The following PTK2B variants were observed in gnomAD, a reference collection of about 807,000 sequenced individuals.
PTK2B encodes the protein protein tyrosine kinase 2 beta.
In PTK2B, 71 loss-of-function variants were observed where a neutral mutation model predicts 142.9. The observed-to-expected ratio is 0.50, with a 90% CI of 0.41 to 0.61. The LOEUF (loss-of-function observed/expected upper bound fraction) is 0.61. Ranked by LOEUF, PTK2B falls within the 20% of genes least tolerant of loss-of-function variation. The pLI is 0.00. For missense variants in PTK2B, 1,105 were observed against 1,320.4 expected (o/e 0.84, Z 2.53); for synonymous variants, 519 against 503.4 (o/e 1.03, Z -0.42).
chr8:27,378,872 G>T (rs1252617755), intron 1 of PTK2B, among the ~76,000 whole-genome samples: 1 of 152,150 alleles, frequency 6.6e-6, no homozygotes, highest in African/African-American at 2.4e-5. Flanking sequence ...TGAGGCTGTG[G>T]AGAAGTGGGT....
chr8:27,405,870 A>C (rs1166770474), intron 2 of PTK2B, among the ~76,000 whole-genome samples: 8 of 152,254 alleles, frequency 5.3e-5, no homozygotes, highest in Non-Finnish European at 8.8e-5. Context: ...TTGTTCTTCA[A>C]TCACTTATTT....
At chr8:27,438,347 G>T (rs972880025) in intron 18 of PTK2B, among the ~76,000 whole-genome samples, 2 of 152,130 alleles carry the variant, frequency 1.3e-5, no homozygotes, top group African/African-American at 4.8e-5. Flanking sequence ...TGGCTGTGGA[G>T]TTGGCCCCTG....
At chr8:27,351,014 T>A (rs187228254) in intron 1 of PTK2B, among the ~76,000 whole-genome samples, 11,600 of 29,102 alleles carry the variant, frequency 0.4, 4,418 homozygotes, top group Non-Finnish European at 0.56. Flanking sequence ...TATATATATA[T>A]ATATATATAT....
chr8:27,311,042 G>A (rs1226013472), upstream of PTK2B: 1 of 1,600,604 alleles, frequency 6.2e-7, no homozygotes, highest in Admixed American at 1.7e-5. Context: ...GTCGGCGGGT[G>A]ACGCGCGGTC....
At chr8:27,368,942 T>C (rs553600885) in intron 1 of PTK2B, among the ~76,000 whole-genome samples, 50 of 151,982 alleles carry the variant, frequency 3.3e-4, no homozygotes, top group Non-Finnish European at 6.2e-4. Context: ...GATCCAGGAG[T>C]GTCTCCCCTC....
intron 1 of PTK2B, among the ~76,000 whole-genome samples, chr8:27,360,690 C>A (rs1269313296): frequency 6.6e-6 from 1 of 152,168 alleles, no homozygotes; most frequent in Non-Finnish European, 1.5e-5. Context: ...CTGTGAACTA[C>A]CAAATGACAC....
At chr8:27,418,888 C>A (rs1305864664) in intron 2 of PTK2B, among the ~76,000 whole-genome samples, 1 of 152,120 alleles carries the variant, frequency 6.6e-6, no homozygotes, top group Non-Finnish European at 1.5e-5. Context: ...ATTATCCAGG[C>A]GTGGTGGTGC....
chr8:27,342,123 T>A (rs1563202999), intron 1 of PTK2B, among the ~76,000 whole-genome samples: 1 of 151,858 alleles, frequency 6.6e-6, no homozygotes, highest in African/African-American at 2.4e-5. Context: ...GCAGTGGAGG[T>A]CCCCCACAGG....
chr8:27,447,102 T>A (rs150120287), intron 24 of PTK2B, among the ~76,000 whole-genome samples: 45 of 152,382 alleles, frequency 3.0e-4, no homozygotes, highest in Non-Finnish European at 6.0e-4. Flanking sequence ...AGAAAGAAGC[T>A]ATTTTGCACA....
At chr8:27,454,707 T>C in intron 30 of PTK2B, 96 bp downstream of exon 30, 1 of 1,303,566 alleles carries the variant, frequency 7.7e-7, no homozygotes, top group Admixed American at 1.9e-5. Context: ...GGCAACCTCA[T>C]GTCTGTCCAC....
chr8:27,345,557 C>T (rs896750555), intron 1 of PTK2B, among the ~76,000 whole-genome samples: 1 of 152,162 alleles, frequency 6.6e-6, no homozygotes, highest in African/African-American at 2.4e-5. Context: ...CCTGTAAAGG[C>T]AAGCTGAGCC....
intron 1 of PTK2B, among the ~76,000 whole-genome samples, chr8:27,352,428 T>G (rs189001386): frequency 3.9e-5 from 6 of 152,316 alleles, no homozygotes; most frequent in African/African-American, 1.2e-4. Flanking sequence ...TTCTAAATGC[T>G]TGTTGGAGCA....
At chr8:27,422,856 G>A (rs889855905) in intron 5 of PTK2B, among the ~76,000 whole-genome samples, 1 of 152,190 alleles carries the variant, frequency 6.6e-6, no homozygotes, top group Non-Finnish European at 1.5e-5. Flanking sequence ...TTGGGGAGGT[G>A]ACAGATGTGT....
intron 8 of PTK2B, 67 bp downstream of exon 8, chr8:27,431,083 G>A (rs542737539): frequency 6.4e-7 from 1 of 1,568,616 alleles, no homozygotes; most frequent in Admixed American, 1.7e-5. Context: ...AGGGGGCCAG[G>A]AGGGGGCAGG....
intron 30 of PTK2B, among the ~76,000 whole-genome samples, chr8:27,457,958 G>A (rs1204497839): frequency 5.2e-5 from 7 of 135,318 alleles, no homozygotes; most frequent in African/African-American, 1.8e-4. Flanking sequence ...CTGGGCAACA[G>A]GAACAAAACT....
chr8:27,454,262 C>T lies in PTK2B; in HGVS notation c.2704C>T (p.Pro902Ser). ...LELKNELCQL[P>S]PEGYVVVVKN... is the part of the protein sequence containing the mutation. ...GCTCAAGAATGAGCTCTGTCAGCTG[C>T]CCCCCGAGGGCTACGTGGTGGTGGT... is the stretch of plus-strand genomic sequence containing the variant. Residue 902 changes from proline (P) to serine (S), a missense_variant, in exon 29 of 31, where the codon CCC (proline) becomes TCC (serine). Transcript: ENST00000346049. 10 of 1,613,822 alleles carry T rather than the reference C, an allele frequency of 6.2e-6. No homozygotes were observed. The highest frequency in any genetic ancestry group is 8.5e-6 in the Non-Finnish European group (10 of 1,179,956).
intron 2 of PTK2B, among the ~76,000 whole-genome samples, chr8:27,415,146 T>C (rs1396635710): frequency 6.6e-6 from 1 of 152,208 alleles, no homozygotes; most frequent in Non-Finnish European, 1.5e-5. Context: ...TTATCTAATT[T>C]AATCCTCATA....
intron 5 of PTK2B, 36 bp from the exon 6 acceptor site, chr8:27,430,057 G>A (rs1810310596): frequency 1.3e-6 from 2 of 1,589,300 alleles, no homozygotes; most frequent in Admixed American, 1.7e-5. Flanking sequence ...TCATTCTCCA[G>A]CCTTCAGCCT....
intron 1 of PTK2B, among the ~76,000 whole-genome samples, chr8:27,341,780 C>T (rs1337059958): frequency 6.6e-6 from 1 of 152,052 alleles, no homozygotes; most frequent in African/African-American, 2.4e-5. Context: ...CTAAGCAATC[C>T]CCTCCACCTC....
Sources: allele counts gnomAD v4.1 joint callset (sites outside exome capture counted in the v4.1 genomes callset), GRCh38; gene constraint gnomAD v4.1.1; transcripts MANE v1.5; gene names NCBI Gene and HGNC (gene_info 2026-07-23, HGNC 2026-07-21).